RBFOX2: variants seen among roughly 807,000 people sequenced by gnomAD.
RBFOX2 encodes RNA binding protein fox-1 homolog 2.
A neutral mutation model predicts 49.1 loss-of-function variants in RBFOX2; 10 were observed. The observed-to-expected ratio is 0.20, with a 90% CI of 0.13 to 0.35. The LOEUF is 0.35. Ranked by LOEUF, RBFOX2 falls within the 10% of genes least tolerant of loss-of-function variation. The probability of loss-of-function intolerance (pLI) is 1.00; values close to 1 mark genes in which losing one functional copy is unlikely to be tolerated. For synonymous variants in RBFOX2, 183 were observed against 187.4 expected (o/e 0.98, Z 0.19); for missense variants, 323 against 486.9 (o/e 0.66, Z 3.17).
intron 1 of RBFOX2, among the ~76,000 whole-genome samples, chr22:35,875,714 A>C: frequency 6.6e-6 from 1 of 151,494 alleles, no homozygotes; most frequent in South Asian, 2.1e-4. Context: ...ACTACCACAC[A>C]AGAATCTGGA....
intron 4 of RBFOX2, 142 bp from the exon 6 acceptor site, chr22:35,768,491 G>A: frequency 4.7e-6 from 3 of 640,736 alleles, no homozygotes; most frequent in South Asian, 2.4e-5. Context: ...TCACATTTTT[G>A]GTCCATGCAT....
chr22:35,882,560 C>T (rs1016281984), intron 1 of RBFOX2, among the ~76,000 whole-genome samples: 10 of 152,094 alleles, frequency 6.6e-5, no homozygotes, highest in African/African-American at 1.9e-4. Flanking sequence ...TGTATGCTGA[C>T]GGGACTAATC....
intron 1 of RBFOX2, among the ~76,000 whole-genome samples, chr22:35,873,888 C>T (rs2044679119): frequency 6.6e-6 from 1 of 152,030 alleles, no homozygotes; most frequent in Admixed American, 6.6e-5. Flanking sequence ...TCCATATTAC[C>T]CAGGTTGGTC....
chr22:35,909,689 G>A (rs2049550414), intron 1 of RBFOX2, among the ~76,000 whole-genome samples: 1 of 152,198 alleles, frequency 6.6e-6, no homozygotes, highest in Non-Finnish European at 1.5e-5. Flanking sequence ...TCGGCTCACT[G>A]CAACCTCCGC....
chr22:36,022,155 T>C (rs1238350207), intron 1 of RBFOX2, among the ~76,000 whole-genome samples: 1 of 152,190 alleles, frequency 6.6e-6, no homozygotes, highest in Non-Finnish European at 1.5e-5. Flanking sequence ...ATGACTGTCT[T>C]TTTCTACAAA....
rs1937912453 is a variant in RBFOX2 at position 35,759,417 on chromosome 22, C to T, written c.887+471G>A. Among the ~76,000 whole-genome samples the T allele has an allele frequency of 1.3e-5, 2 of 152,178 alleles. No homozygotes were observed. The highest frequency in any genetic ancestry group is 4.8e-5 in the African/African-American group (2 of 41,442). ...AATCCATTGTGGGTAACTAGCTCTG[C>T]TGCTCACCACCCAGGCAGTGAAACC... On this transcript the variant is annotated intron_variant, in intron 9 of 11. Transcript: ENST00000405409. The surrounding 1 kb of genome is among the most constrained non-coding windows in gnomAD (Gnocchi z 4.6).
At chr22:35,742,831 C>T in exon 12 of RBFOX2, 1 of 152,590 alleles carries the variant, frequency 6.6e-6, no homozygotes. Context: ...GGGAGGGCAG[C>T]AATCTCAGGG....
exon 2 of RBFOX2, chr22:35,809,894 G>A (rs1036231669): frequency 1.9e-6 from 3 of 1,613,942 alleles, no homozygotes; most frequent in Middle Eastern, 1.6e-4. Context: ...AGTCTTGAGT[G>A]TGTGGCACCC....
intron 1 of RBFOX2, among the ~76,000 whole-genome samples, chr22:35,983,630 G>A (rs1034894990): frequency 2.6e-5 from 4 of 151,928 alleles, no homozygotes; most frequent in African/African-American, 4.8e-5. Flanking sequence ...GCTTAACTAC[G>A]GCTACACAAA....
At chr22:35,970,796 A>G (rs915384591) in intron 1 of RBFOX2, among the ~76,000 whole-genome samples, 3 of 152,214 alleles carry the variant, frequency 2.0e-5, no homozygotes, top group South Asian at 2.1e-4. Context: ...TACATAGTCT[A>G]TCCTAATAAG....
chr22:35,864,074 C>T (rs1325284493), intron 1 of RBFOX2, among the ~76,000 whole-genome samples: 1 of 152,152 alleles, frequency 6.6e-6, no homozygotes, highest in Non-Finnish European at 1.5e-5. Flanking sequence ...CAAACATATT[C>T]TCTTAATTTC....
intron 2 of RBFOX2, among the ~76,000 whole-genome samples, chr22:35,782,611 G>A (rs940873531): frequency 2.0e-5 from 3 of 152,164 alleles, no homozygotes; most frequent in Non-Finnish European, 4.4e-5. Flanking sequence ...GTGAGCCACC[G>A]TGCCTGGCCA....
chr22:36,028,178 G>T, intron 1 of RBFOX2, 62 bp downstream of exon 1: 1 of 1,393,188 alleles, frequency 7.2e-7, no homozygotes, highest in Admixed American at 2.8e-5. Flanking sequence ...AAGCCGGGGA[G>T]CCCGGTGTCG....
intron 1 of RBFOX2, among the ~76,000 whole-genome samples, chr22:35,835,941 T>C (rs2148758973): frequency 6.6e-6 from 1 of 151,838 alleles, no homozygotes; most frequent in East Asian, 1.9e-4. Flanking sequence ...CTGGAAAAAG[T>C]GAGGCTTTTT....
At chr22:35,821,759 C>A (rs776818873) in intron 1 of RBFOX2, 3 of 518,628 alleles carry the variant, frequency 5.8e-6, no homozygotes, top group South Asian at 1.4e-5. Context: ...CTGACCACCC[C>A]CAAGCTTTGG....
chr22:35,781,882 C>A, intron 2 of RBFOX2, 136 bp from the exon 4 acceptor site: 1 of 938,792 alleles, frequency 1.1e-6, no homozygotes. Context: ...ACAAAAGCAA[C>A]AACAACAGCA....
intron 1 of RBFOX2, among the ~76,000 whole-genome samples, chr22:35,878,123 G>A (rs987756094): frequency 6.6e-6 from 1 of 151,424 alleles, no homozygotes; most frequent in East Asian, 1.9e-4. Flanking sequence ...CAAGCCAGGC[G>A]CAGTGGCTCA....
chr22:35,749,238 T>C lies in RBFOX2; in HGVS notation c.888-2677A>G, dbSNP rs1191386442. On this transcript the variant is annotated intron_variant, in intron 9 of 11. Coordinates refer to ENST00000405409, the Ensembl canonical transcript of RBFOX2. This position sits in a 1 kb window ranked among gnomAD's most constrained non-coding sequence, Gnocchi z 4.1. ...TCAAGTGGAAGAAAACAGAACAGGG[T>C]TGGCAAATACTTTACTGAAAACAAA... Among the ~76,000 whole-genome samples the C allele has an allele frequency of 1.3e-5, 2 of 152,142 alleles. No homozygotes were observed. The highest frequency in any genetic ancestry group is 2.4e-5 in the African/African-American group (1 of 41,436).
At chr22:35,792,315 CAAAAAA>C (rs1187704252) in intron 2 of RBFOX2, among the ~76,000 whole-genome samples, 1 of 36,438 alleles carries the variant, frequency 2.7e-5, no homozygotes, top group Non-Finnish European at 5.5e-5. Flanking sequence ...AACTCCGTCT[CAAAAAA>C]AAAAAAAAAA....
Sources: gnomAD v4.1 joint callset for allele counts (sites outside exome capture counted in the v4.1 genomes callset) on GRCh38, gnomAD v4.1.1 for gene constraint, Gnocchi (gnomAD v3.1) non-coding constraint, MANE v1.5 for transcripts, NCBI Gene and HGNC (gene_info 2026-07-23, HGNC 2026-07-21) for gene names.